NRIP1: variants seen among roughly 807,000 people sequenced by gnomAD.
NRIP1 encodes nuclear receptor interacting protein 1, also known as nuclear receptor-interacting protein 1.
In NRIP1, 28 loss-of-function variants were observed where a neutral mutation model predicts 75.0. The observed-to-expected ratio is 0.37, with a 90% CI of 0.28 to 0.51. NRIP1 has a LOEUF of 0.51. Among genes scored for constraint, NRIP1 ranks in the 20% least tolerant of loss-of-function variants. NRIP1 has a pLI of 0.92. For missense variants in NRIP1, 1,435 were observed against 1,343.7 expected, an observed-to-expected ratio of 1.07 and a Z score of -1.06; for synonymous variants, 526 against 487.6, an observed-to-expected ratio of 1.08 and a Z score of -1.04.
chr21:15,025,224 T>C (rs546850749), intron 2 of NRIP1, among the ~76,000 whole-genome samples: 2 of 152,154 alleles, frequency 1.3e-5, no homozygotes, highest in African/African-American at 2.4e-5. Flanking sequence ...ATTGACTACA[T>C]ACAGGGAGAA....
Position 14,962,801 on chromosome 21 carries a change from C to T in NRIP1, c.*1915G>A, listed in dbSNP as rs928712070. 3.3e-5 allele frequency: 5 copies of T among 152,236 alleles called. No individual in the cohort carries two copies. The highest frequency in any genetic ancestry group is 1.2e-4 in the African/African-American group (5 of 41,338). The allele number at this position is 152,236 out of a possible 1,614,324, so 9.4% of individuals were successfully genotyped here. A position where few individuals can be genotyped will look rare whatever the true frequency, so the allele number is the denominator to read the frequency against. Reference sequence around the variant, plus strand: ...ACAAATCATTCTGAGGAAAAATAACCATTTAGGGTTTTAGATCATATTAGG... The same window carrying T: ...ACAAATCATTCTGAGGAAAAATAACTATTTAGGGTTTTAGATCATATTAGG... On this transcript the variant is annotated 3_prime_UTR_variant, in exon 4 of 4. Transcript: ENST00000318948.
At chr21:15,013,995 C>T (rs2088169000) in intron 3 of NRIP1, among the ~76,000 whole-genome samples, 1 of 152,186 alleles carries the variant, frequency 6.6e-6, no homozygotes, top group African/African-American at 2.4e-5. Flanking sequence ...GTGTTGTCAA[C>T]AAAAATACTA....
chr21:15,061,009 A>T (rs1277940100), intron 1 of NRIP1, among the ~76,000 whole-genome samples: 3 of 152,120 alleles, frequency 2.0e-5, no homozygotes, highest in Non-Finnish European at 4.4e-5. Context: ...TTATCTAAAT[A>T]CTACAGGATG....
At chr21:14,990,860 G>A (rs986338216) in intron 3 of NRIP1, among the ~76,000 whole-genome samples, 1 of 152,128 alleles carries the variant, frequency 6.6e-6, no homozygotes, top group African/African-American at 2.4e-5. Flanking sequence ...AATGGACATA[G>A]CATCTAATAA....
rs913341536 is a variant in NRIP1, at chr21:14,962,114, T to C, written c.*2602A>G. 6.7e-6 allele frequency: 1 copy of C among 150,210 alleles called. No homozygotes were observed. The highest frequency in any genetic ancestry group is 1.5e-5 in the Non-Finnish European group (1 of 67,410). 9.3% of individuals were successfully genotyped at this position (150,210 alleles called of 1,614,324 possible). A position where few individuals can be genotyped will look rare whatever the true frequency, so the allele number is the denominator to read the frequency against. ...GAATAAACAGGTAATGAATGCTACCTTACTGATGTCAATAAGCTGTAGTAC... is the reference window on the plus strand; with the variant it reads ...GAATAAACAGGTAATGAATGCTACCCTACTGATGTCAATAAGCTGTAGTAC... On this transcript the variant is annotated 3_prime_UTR_variant, in exon 4 of 4. Coordinates refer to ENST00000318948, the MANE Select transcript of NRIP1 (RefSeq NM_003489.4).
intron 1 of NRIP1, among the ~76,000 whole-genome samples, chr21:15,046,563 T>C (rs1222275362): frequency 6.6e-6 from 1 of 152,186 alleles, no homozygotes; most frequent in Non-Finnish European, 1.5e-5. Flanking sequence ...TGGCCAAACA[T>C]TGGTTTCCAC....
chr21:15,028,212 T>C (rs1349480867), intron 2 of NRIP1, among the ~76,000 whole-genome samples: 1 of 152,200 alleles, frequency 6.6e-6, no homozygotes. Flanking sequence ...TAAATGCAAA[T>C]GAGTACAATA....
At chr21:15,028,620 A>G (rs1207754933) in intron 2 of NRIP1, among the ~76,000 whole-genome samples, 1 of 152,248 alleles carries the variant, frequency 6.6e-6, no homozygotes, top group African/African-American at 2.4e-5. Flanking sequence ...CGTAGGCACT[A>G]AATAAATGTA....
intron 2 of NRIP1, among the ~76,000 whole-genome samples, chr21:15,018,708 T>C (rs182153700): frequency 1.3e-5 from 2 of 152,240 alleles, no homozygotes; most frequent in Admixed American, 6.5e-5. Context: ...ACACACACCA[T>C]ACTGAAGGGA....
At chr21:14,977,325 C>G (rs1371266631) in intron 3 of NRIP1, among the ~76,000 whole-genome samples, 2 of 152,048 alleles carry the variant, frequency 1.3e-5, no homozygotes, top group Non-Finnish European at 2.9e-5. Context: ...TTCTCCAAAG[C>G]AGGGCTTTGA....
At chr21:15,032,701 G>C (rs2088734307) in intron 2 of NRIP1, among the ~76,000 whole-genome samples, 1 of 152,182 alleles carries the variant, frequency 6.6e-6, no homozygotes, top group Admixed American at 6.5e-5. Flanking sequence ...GAGGTCTACT[G>C]ATTTCAGATC....
At chr21:15,059,670 G>A (rs1216326504) in intron 1 of NRIP1, among the ~76,000 whole-genome samples, 5 of 152,048 alleles carry the variant, frequency 3.3e-5, no homozygotes, top group African/African-American at 4.8e-5. Context: ...CTCATAATTT[G>A]TTTAGCAGGT....
chr21:15,008,446 C>G (rs1440757000), intron 3 of NRIP1, among the ~76,000 whole-genome samples: 1 of 151,824 alleles, frequency 6.6e-6, no homozygotes, highest in African/African-American at 2.4e-5. Flanking sequence ...ACTTGAAAGC[C>G]GGGGTAGGGG....
At chr21:15,023,221 T>C (rs1323616189) in intron 2 of NRIP1, among the ~76,000 whole-genome samples, 4 of 152,214 alleles carry the variant, frequency 2.6e-5, no homozygotes, top group Non-Finnish European at 5.9e-5. Flanking sequence ...AGTATGTAAA[T>C]TATATCTCAG....
intron 3 of NRIP1, 77 bp from the exon 4 acceptor site, chr21:14,968,603 T>C (rs545221927): frequency 1.0e-4 from 17 of 165,110 alleles, no homozygotes; most frequent in South Asian, 1.7e-4. Context: ...CAAAATAATA[T>C]AGCATCTGTA....
chr21:14,977,820 C>A (rs1160079249), intron 3 of NRIP1, among the ~76,000 whole-genome samples: 1 of 152,120 alleles, frequency 6.6e-6, no homozygotes, highest in East Asian at 1.9e-4. Context: ...TGTGGTCATA[C>A]AATTTAACAG....
In NRIP1 at chr21:15,052,938, TTC is replaced by T. The variant is rs2089233882; in HGVS notation, c.-537-9366_-537-9365del. On this transcript the variant is annotated intron_variant, in intron 1 of 3. Transcript: ENST00000318948. Reference sequence around the variant, plus strand: ...CAGTAACATAAAACAAAATTTGAATTTCTGATTGGTATAAAGAAATCCATATT... The same window carrying T: ...CAGTAACATAAAACAAAATTTGAATTTGATTGGTATAAAGAAATCCATATT... Among the ~76,000 whole-genome samples the T allele has an allele frequency of 2.0e-5, 3 of 151,766 alleles. No individual in the cohort carries two copies. The South Asian group carries it at 6.2e-4, about 31-fold the overall frequency.
rs1370882546 is a variant in NRIP1 at position 14,962,853 on chromosome 21, A to G, written c.*1863T>C. On this transcript the variant is annotated 3_prime_UTR_variant, in exon 4 of 4. Transcript: ENST00000318948. ...AATCACACCTATTTTTAATATAAAAATCTTAGAAACCACTTCAAGTAGAAC... is the reference window on the plus strand; with the variant it reads ...AATCACACCTATTTTTAATATAAAAGTCTTAGAAACCACTTCAAGTAGAAC... 2.6e-5 allele frequency: 4 copies of G among 152,500 alleles called. No individual in the cohort carries two copies. Among genetic ancestry groups the G allele is most frequent in the Non-Finnish European group, 5.9e-5 (4 of 67,952 alleles). The allele number at this position is 152,500 out of a possible 1,614,324, so 9.4% of individuals were successfully genotyped here.
At chr21:15,037,158 T>G (rs1254200311) in intron 2 of NRIP1, among the ~76,000 whole-genome samples, 1 of 152,094 alleles carries the variant, frequency 6.6e-6, no homozygotes, top group East Asian at 1.9e-4. Context: ...GTCAAAGAAA[T>G]GTACATATTC....
Sources: allele counts gnomAD v4.1 joint callset (sites outside exome capture counted in the v4.1 genomes callset), GRCh38; gene constraint gnomAD v4.1.1; transcripts MANE v1.5; gene names NCBI Gene and HGNC (gene_info 2026-07-23, HGNC 2026-07-21).